ZIC3: variants seen among roughly 807,000 people sequenced by gnomAD.
The protein encoded by ZIC3 is Zic family zinc finger 3.
ZIC3 carries 6 observed loss-of-function variants against 18.3 expected under a neutral mutation model. The ratio of observed to expected loss-of-function variants is 0.33; its 90% CI spans 0.18 to 0.65. The LOEUF (loss-of-function observed/expected upper bound fraction) is 0.65, where lower values mean the gene tolerates loss of function less well. ZIC3 is among the 30% of genes least tolerant of loss of function. The pLI is 0.75. For missense variants in ZIC3, 260 were observed against 410.0 expected, an observed-to-expected ratio of 0.63 and a Z score of 3.16; for synonymous variants, 175 against 177.0, an observed-to-expected ratio of 0.99 and a Z score of 0.09.
At chrX:137,573,158 AAACC>A (rs1373933071), downstream of ZIC3, among the ~76,000 whole-genome samples, 2 of 69,090 alleles carry the variant, frequency 2.9e-5, no homozygotes, top group African/African-American at 6.1e-5. Flanking sequence ...AAAAAAAAAA[AAACC>A]AAACAAACCA....
At chrX:137,575,541 AT>A (rs1031050912), downstream of ZIC3, among the ~76,000 whole-genome samples, 1 of 111,568 alleles carries the variant, frequency 9.0e-6, no homozygotes, top group Non-Finnish European at 1.9e-5. Context: ...GAAAAAAAAA[AT>A]GTAAGATTTT....
chrX:137,567,870 G>T, intron 1 of ZIC3, 119 bp downstream of exon 1: 1 of 1,138,488 alleles, frequency 8.8e-7, no homozygotes. Context: ...CGCAACGGCC[G>T]CTCGAAAAAG....
chrX:137,568,857 G>A, intron 1 of ZIC3, 45 bp from the exon 2 acceptor site: 5 of 1,204,881 alleles, frequency 4.1e-6, no homozygotes, highest in Non-Finnish European at 5.6e-6. Flanking sequence ...GAGAAACTCC[G>A]GCGCTGACCG....
chrX:137,567,789 C>A (rs1248932141), intron 1 of ZIC3, 38 bp downstream of exon 1: 1 of 1,210,437 alleles, frequency 8.3e-7, no homozygotes, highest in Non-Finnish European at 1.1e-6. Flanking sequence ...GTTCCACTGG[C>A]GATACCCCGT....
chrX:137,572,674 C>T (rs982844950), downstream of ZIC3, among the ~76,000 whole-genome samples: 3 of 111,391 alleles, frequency 2.7e-5, no homozygotes, highest in Admixed American at 1.9e-4. Flanking sequence ...TTCCCTCCCC[C>T]ACCCTCAATC....
In ZIC3 at chrX:137,568,897, T is replaced by G; in HGVS notation, c.1061-5T>G. On this transcript the variant is annotated splice_polypyrimidine_tract_variant and splice_region_variant and intron_variant, in intron 1 of 2. Transcript: ENST00000287538. ...TTACCCCCCTTGGGTTTTTGCCTTT[T>G]GCAGGTGAGAAACCTTTCAAATGTG... 8.3e-7 allele frequency: 1 copy of G among 1,210,589 alleles called. No homozygotes were observed. The highest frequency in any genetic ancestry group is 1.1e-6 in the Non-Finnish European group (1 of 895,157).
Position 137,567,402 on chromosome X carries a change from C to G in ZIC3, c.711C>G (p.Gly237=), listed in dbSNP as rs756295103. ...GVNVAAHHGP[G]AFFRYMRQPI... Reference sequence around the variant, plus strand: ...ACGTGGCGGCCCACCACGGGCCCGGCGCCTTCTTCCGTTATATGCGGCAGC... The same window carrying G: ...ACGTGGCGGCCCACCACGGGCCCGGGGCCTTCTTCCGTTATATGCGGCAGC... Residue 237 remains glycine (G), a synonymous_variant, in exon 1 of 3, where the codon GGC becomes GGG. Coordinates refer to ENST00000287538, the MANE Select transcript of ZIC3 (RefSeq NM_003413.4). The G allele has an allele frequency of 3.3e-6, 4 of 1,209,934 alleles. No homozygotes were observed. The highest frequency in any genetic ancestry group is 1.8e-5 in the South Asian group (1 of 56,824).
chrX:137,567,949 C>T (rs1931375855), intron 1 of ZIC3, among the ~76,000 whole-genome samples, 198 bp downstream of exon 1: 1 of 113,391 alleles, frequency 8.8e-6, no homozygotes, highest in South Asian at 3.6e-4. Context: ...GTTCTAACTT[C>T]CCGGGCAGAC....
Position 137,566,709 on chromosome X carries a change from C to T in ZIC3, c.18C>T (p.Asp6=), listed in dbSNP as rs1602742253. MTMLL[D]GGPQFPGLGV... ...TCCCACCCATGACGATGCTCCTGGA[C>T]GGAGGCCCGCAGTTCCCTGGGCTGG... Residue 6 remains aspartate (D), a synonymous_variant, in exon 1 of 3, where the codon GAC becomes GAT. Coordinates refer to ENST00000287538, the MANE Select transcript of ZIC3 (RefSeq NM_003413.4). The T allele has an allele frequency of 1.7e-6, 2 of 1,199,556 alleles. No homozygotes were observed. The highest frequency in any genetic ancestry group is 1.1e-6 in the Non-Finnish European group (1 of 890,331).
At chrX:137,568,782 GC>G in intron 1 of ZIC3, 119 bp from the exon 2 acceptor site, 1 of 799,470 alleles carries the variant, frequency 1.3e-6, no homozygotes, top group Non-Finnish European at 1.9e-6. Flanking sequence ...TGCAGCAGCA[GC>G]CCCCAGTCCG....
downstream of ZIC3, chrX:137,573,937 C>CAGCG (rs1931476275): frequency 8.8e-6 from 1 of 113,228 alleles, no homozygotes; most frequent in South Asian, 3.6e-4. Context: ...CTCGCGGTCT[C>CAGCG]TGCCCGCTGA....
Position 137,566,189 on chromosome X carries a change from G to T in ZIC3, c.-503G>T, listed in dbSNP as rs987865327. On this transcript the variant is annotated 5_prime_UTR_variant, in exon 1 of 3. Transcript: ENST00000287538. ...GGGACTCGCGCGGCGAGCGGCAAGCGGCGAGTAACGAGCCTGCCTACTGCC... is the reference window on the plus strand; with the variant it reads ...GGGACTCGCGCGGCGAGCGGCAAGCTGCGAGTAACGAGCCTGCCTACTGCC... The T allele has an allele frequency of 1.0e-4, 15 of 145,438 alleles. No individual in the cohort carries two copies. The highest frequency in any genetic ancestry group is 1.7e-4 in the Non-Finnish European group (13 of 75,656). 12.0% of individuals were successfully genotyped at this position (145,438 alleles called of 1,213,427 possible). A position where few individuals can be genotyped will look rare whatever the true frequency, so the allele number is the denominator to read the frequency against.
Position 137,570,815 on chromosome X carries a change from T to G in ZIC3, c.*745T>G, listed in dbSNP as rs967221866. On this transcript the variant is annotated 3_prime_UTR_variant, in exon 3 of 3. Coordinates refer to ENST00000287538, the MANE Select transcript of ZIC3 (RefSeq NM_003413.4). Reference sequence around the variant, plus strand: ...AACTGCTTTAGCATTAAAAATTGTTTTGAAAGAAGAACACAATTTACAATT... The same window carrying G: ...AACTGCTTTAGCATTAAAAATTGTTGTGAAAGAAGAACACAATTTACAATT... 3 of 113,046 alleles carry G rather than the reference T, an allele frequency of 2.7e-5. No homozygotes were observed. Among genetic ancestry groups the G allele is most frequent in the African/African-American group, 9.7e-5 (3 of 31,032 alleles). The allele number at this position is 113,046 out of a possible 1,213,427, so 9.3% of individuals were successfully genotyped here. A position where few individuals can be genotyped will look rare whatever the true frequency, so the allele number is the denominator to read the frequency against.
intron 1 of ZIC3, among the ~76,000 whole-genome samples, chrX:137,567,992 T>A (rs1931376654): frequency 8.8e-6 from 1 of 113,242 alleles, no homozygotes; most frequent in Non-Finnish European, 1.9e-5. Flanking sequence ...ATTGGGACCT[T>A]CTCGCGCCCA....
rs1315027856 is a variant in ZIC3, at chrX:137,572,089, TTTATG to T, written c.*2024_*2028del. On this transcript the variant is annotated 3_prime_UTR_variant, in exon 3 of 3. Transcript: ENST00000287538. ...AGAAATAAAGTCTTGGCACATCTTA[TTTATG>T]TTATAACATTTTTGTATTTGGTGCC... is the stretch of plus-strand genomic sequence containing the variant. Among the ~76,000 whole-genome samples, 1 of 112,498 alleles carries T rather than the reference TTTATG, an allele frequency of 8.9e-6. No homozygotes were observed. Among genetic ancestry groups the T allele is most frequent in the Non-Finnish European group, 1.9e-5 (1 of 53,339 alleles).
chrX:137,568,686 G>GGCCCCCCCCCCCC, intron 1 of ZIC3: 1 of 90,113 alleles, frequency 1.1e-5, no homozygotes, highest in Non-Finnish European at 2.0e-5. Flanking sequence ...GGCCGGCCCC[G>GGCCCCCCCCCCCC]CCCCACCCCC....
Position 137,566,467 on chromosome X carries a change from CG to C in ZIC3, c.-224del. 3.0e-6 allele frequency: 1 copy of C among 338,405 alleles called. No homozygotes were observed. The highest frequency in any genetic ancestry group is 5.1e-6 in the Non-Finnish European group (1 of 197,111). The allele number at this position is 338,405 out of a possible 1,213,427, so 27.9% of individuals were successfully genotyped here. On this transcript the variant is annotated 5_prime_UTR_variant, in exon 1 of 3. Coordinates refer to ENST00000287538, the MANE Select transcript of ZIC3 (RefSeq NM_003413.4). ...CCCTTCTCCTCCCTCCTCCTCCCCCCGCCAACACCCCCTCCCTGCTCTTTCT... is the reference window on the plus strand; with the variant it reads ...CCCTTCTCCTCCCTCCTCCTCCCCCCCCAACACCCCCTCCCTGCTCTTTCT...
rs1380540154 is a variant in ZIC3, at chrX:137,567,267, G to C, written c.576G>C (p.Leu192=). The change falls in exon 1 of 3, where the codon CTG becomes CTC. Residue 192 remains leucine, a synonymous_variant. Transcript: ENST00000287538. ...NQVHLGLRGE[L]FGRADPYRPV... ...TCCACCTGGGGCTGCGTGGGGAGCTGTTCGGCCGTGCTGACCCATACCGCC... is the reference window on the plus strand; with the variant it reads ...TCCACCTGGGGCTGCGTGGGGAGCTCTTCGGCCGTGCTGACCCATACCGCC... The C allele has an allele frequency of 2.4e-5, 29 of 1,209,944 alleles. No homozygotes were observed. The highest frequency in any genetic ancestry group is 3.2e-5 in the Non-Finnish European group (29 of 895,307).
Position 137,566,227 on chromosome X carries a change from GC to G in ZIC3, c.-462del, listed in dbSNP as rs1931335606. 1 of 159,495 alleles carries G rather than the reference GC, an allele frequency of 6.3e-6. No individual in the cohort carries two copies. Among genetic ancestry groups the G allele is most frequent in the Admixed American group, 7.7e-5 (1 of 13,008 alleles). 13.1% of individuals were successfully genotyped at this position (159,495 alleles called of 1,213,427 possible). A position where few individuals can be genotyped will look rare whatever the true frequency, so the allele number is the denominator to read the frequency against. Reference sequence around the variant, plus strand: ...CCTGCCTACTGCCCGCTGCCCGCCTGCCCGGCCGCTAGCCGGCTCCGCCACT... The same window carrying G: ...CCTGCCTACTGCCCGCTGCCCGCCTGCCGGCCGCTAGCCGGCTCCGCCACT... On this transcript the variant is annotated 5_prime_UTR_variant, in exon 1 of 3. Transcript: ENST00000287538.
Sources: gnomAD v4.1 joint callset for allele counts (sites outside exome capture counted in the v4.1 genomes callset) on GRCh38, gnomAD v4.1.1 for gene constraint, MANE v1.5 for transcripts, NCBI Gene and HGNC (gene_info 2026-07-23, HGNC 2026-07-21) for gene names.